Variants in ARID5B observed in about 807,000 individuals in gnomAD.
ARID5B encodes AT-rich interaction domain 5B.
ARID5B carries 13 observed loss-of-function variants against 97.2 expected under a neutral mutation model. The ratio of observed to expected loss-of-function variants is 0.13; its 90% CI spans 0.09 to 0.21. ARID5B has a LOEUF of 0.21. Among genes scored for constraint, ARID5B ranks in the 10% least tolerant of loss-of-function variants. The pLI is 1.00. For missense variants in ARID5B, 1,210 were observed against 1,465.3 expected (o/e 0.83, Z 2.84); for synonymous variants, 556 against 570.3 (o/e 0.97, Z 0.36).
chr10:62,053,815 C>G (rs1473691140), intron 5 of ARID5B, among the ~76,000 whole-genome samples: 2 of 152,204 alleles, frequency 1.3e-5, no homozygotes, highest in African/African-American at 2.4e-5. Context: ...CTATATTTCA[C>G]AAATGTGATA....
At chr10:61,925,300 G>A (rs992964390) in intron 2 of ARID5B, among the ~76,000 whole-genome samples, 3 of 152,172 alleles carry the variant, frequency 2.0e-5, no homozygotes, top group Admixed American at 6.6e-5. Flanking sequence ...TTATTGTTAC[G>A]GTTTTTGCTT....
rs1469365805 is a variant in ARID5B at position 62,091,834 on chromosome 10, C to T, written c.2371C>T (p.His791Tyr). The change falls in exon 10 of 10, where the codon CAT becomes TAT. Residue 791 changes from histidine to tyrosine, a missense_variant. By Grantham distance (83) the His-to-Tyr change is moderately conservative. Coordinates refer to ENST00000279873, the MANE Select transcript of ARID5B (RefSeq NM_032199.3). ...SDPHRCSFSK[H>Y]HLNPLADSYV... ...TCCCCACCGCTGCAGCTTCTCCAAGCATCACCTTAACCCCCTTGCTGACTC... is the reference window on the plus strand; with the variant it reads ...TCCCCACCGCTGCAGCTTCTCCAAGTATCACCTTAACCCCCTTGCTGACTC... 3.7e-6 allele frequency: 6 copies of T among 1,614,014 alleles called. No homozygotes were observed. The highest frequency in any genetic ancestry group is 5.1e-6 in the Non-Finnish European group (6 of 1,180,020).
At position 61,954,396 on chromosome 10, in the gene ARID5B, T is replaced by TTA. The variant is rs1207727015; in HGVS notation, c.502+13997_502+13998dup. 2.6e-5 allele frequency among the ~76,000 whole-genome samples: 4 copies of TTA among 151,696 alleles called. No homozygotes were observed. In the East Asian group the frequency reaches 7.7e-4, roughly 29 times the overall value. ...ATAAATAAATAAAAATAAAATAAAA[T>TTA]TATATATATAAATTTCGATGCTAAA... On this transcript the variant is annotated intron_variant, in intron 3 of 9. Coordinates refer to ENST00000279873, the MANE Select transcript of ARID5B (RefSeq NM_032199.3).
intron 3 of ARID5B, among the ~76,000 whole-genome samples, chr10:61,989,880 G>A (rs932780070): frequency 6.6e-5 from 10 of 152,184 alleles, no homozygotes; most frequent in Non-Finnish European, 1.3e-4. Context: ...CAATAAGGAA[G>A]CATCTCCAAA....
At chr10:61,910,972 A>G (rs1843793794) in intron 2 of ARID5B, among the ~76,000 whole-genome samples, 1 of 152,182 alleles carries the variant, frequency 6.6e-6, no homozygotes, top group African/African-American at 2.4e-5. Context: ...CAGGCGGCAA[A>G]GGCCAAATGT....
At chr10:61,908,866 C>T (rs1193092121) in intron 2 of ARID5B, among the ~76,000 whole-genome samples, 1 of 150,164 alleles carries the variant, frequency 6.7e-6, no homozygotes, top group African/African-American at 2.4e-5. Context: ...TCCCAAACTG[C>T]CTTTGTAGAC....
At chr10:62,039,717 G>T (rs551473889) in intron 4 of ARID5B, among the ~76,000 whole-genome samples, 1 of 152,168 alleles carries the variant, frequency 6.6e-6, no homozygotes, top group African/African-American at 2.4e-5. Flanking sequence ...GAATGATTGC[G>T]GAAAGAATGT....
At chr10:61,948,565 A>G (rs991604225) in intron 3 of ARID5B, among the ~76,000 whole-genome samples, 2 of 151,904 alleles carry the variant, frequency 1.3e-5, no homozygotes, top group African/African-American at 4.8e-5. Context: ...ACGGGGCTTC[A>G]TCGTGTTGGC....
At chr10:61,940,158 G>A (rs1364160572) in intron 2 of ARID5B, 25 bp from the exon 3 acceptor site, 5 of 1,609,598 alleles carry the variant, frequency 3.1e-6, no homozygotes, top group Non-Finnish European at 4.2e-6. Context: ...AACGTTTTTT[G>A]TTCTTCCCCA....
intron 4 of ARID5B, chr10:62,049,580 G>T: frequency 6.7e-7 from 1 of 1,493,486 alleles, no homozygotes; most frequent in Admixed American, 2.0e-5. Flanking sequence ...TCAGACCAGC[G>T]TTTAGGGGAA....
In ARID5B at chr10:62,091,946, T is replaced by A; in HGVS notation, c.2483T>A (p.Leu828Gln). ...CCCCATTCCCACATGCCTAGCTTCC[T>A]GGCTGACTTCTACTCGTCCCCTCAT... ...ALPHSHMPSFLADFYSSPHLH... is the reference protein window; with the variant it reads ...ALPHSHMPSFQADFYSSPHLH... Residue 828 changes from leucine to glutamine, a missense_variant, in exon 10 of 10, where the codon CTG (leucine) becomes CAG (glutamine). This residue lies in a region of ARID5B where 800 missense variants were observed against 839.1 expected (regional missense o/e 0.95). Coordinates refer to ENST00000279873, the MANE Select transcript of ARID5B (RefSeq NM_032199.3). 1 of 1,613,542 alleles carries A rather than the reference T, an allele frequency of 6.2e-7. No homozygotes were observed. The highest frequency in any genetic ancestry group is 8.5e-7 in the Non-Finnish European group (1 of 1,179,814).
chr10:61,981,211 C>T (rs557091878), intron 3 of ARID5B, among the ~76,000 whole-genome samples: 2 of 152,212 alleles, frequency 1.3e-5, no homozygotes, highest in East Asian at 3.9e-4. Context: ...AGTGCATGTT[C>T]AATCAAAGGC....
At chr10:61,963,574 C>T (rs1344920088) in intron 3 of ARID5B, among the ~76,000 whole-genome samples, 1 of 152,014 alleles carries the variant, frequency 6.6e-6, no homozygotes, top group South Asian at 2.1e-4. Context: ...ATATGTCTCT[C>T]CCTGACTGGA....
chr10:61,976,069 A>T (rs1409309895), intron 3 of ARID5B, among the ~76,000 whole-genome samples: 1 of 152,198 alleles, frequency 6.6e-6, no homozygotes, highest in South Asian at 2.1e-4. Flanking sequence ...GGTGGAAGGA[A>T]TGTAGTCTTT....
At chr10:61,999,070 T>C (rs1390058810) in intron 3 of ARID5B, among the ~76,000 whole-genome samples, 4 of 152,194 alleles carry the variant, frequency 2.6e-5, no homozygotes, top group Non-Finnish European at 4.4e-5. Context: ...ACCATCCACT[T>C]CTGTCATATT....
intron 2 of ARID5B, among the ~76,000 whole-genome samples, chr10:61,926,893 G>T (rs1177262106): frequency 6.6e-6 from 1 of 152,114 alleles, no homozygotes; most frequent in Non-Finnish European, 1.5e-5. Context: ...CAAAGTGCTG[G>T]GATTACAGGC....
chr10:61,937,785 G>A (rs534921046), intron 2 of ARID5B, among the ~76,000 whole-genome samples: 16 of 152,314 alleles, frequency 1.1e-4, no homozygotes, highest in South Asian at 6.2e-4. Context: ...TAGTAAATGC[G>A]AACATGTGAT....
intron 2 of ARID5B, among the ~76,000 whole-genome samples, chr10:61,906,160 A>C (rs1280665958): frequency 6.6e-6 from 1 of 152,210 alleles, no homozygotes; most frequent in East Asian, 1.9e-4. Context: ...TACTTAAATA[A>C]ATAGAAAATA....
At chr10:61,976,616 C>G (rs1032183587) in intron 3 of ARID5B, among the ~76,000 whole-genome samples, 8 of 152,118 alleles carry the variant, frequency 5.3e-5, no homozygotes, top group Admixed American at 1.3e-4. Context: ...CAGTGCCTAA[C>G]CTTGGTGAGC....
Sources: gnomAD v4.1 joint callset for allele counts (sites outside exome capture counted in the v4.1 genomes callset) on GRCh38, gnomAD v4.1.1 for gene constraint, gnomAD v4.1.1 regional missense constraint, MANE v1.5 for transcripts, NCBI Gene and HGNC (gene_info 2026-07-23, HGNC 2026-07-21) for gene names.